Variants in EXOC2 observed in about 807,000 individuals in gnomAD.
The protein encoded by EXOC2 is SEC5-like 1.
Under a neutral mutation model 131.8 loss-of-function variants are expected in EXOC2, and 70 were observed. The ratio of observed to expected loss-of-function variants is 0.53; its 90% CI spans 0.44 to 0.65. The LOEUF is 0.65. Ranked by LOEUF, EXOC2 falls within the 30% of genes least tolerant of loss-of-function variation. EXOC2 has a pLI of 0.00. For missense variants in EXOC2, 923 were observed against 1,108.6 expected, an observed-to-expected ratio of 0.83 and a Z score of 2.38; for synonymous variants, 411 against 398.4, an observed-to-expected ratio of 1.03 and a Z score of -0.38.
chr6:521,601 C>T (rs907994626), intron 23 of EXOC2, among the ~76,000 whole-genome samples: 1 of 151,760 alleles, frequency 6.6e-6, no homozygotes, highest in Non-Finnish European at 1.5e-5. Flanking sequence ...GATCTTGGCT[C>T]ACCACGCCTT....
chr6:523,657 G>A (rs1332973924), intron 23 of EXOC2, among the ~76,000 whole-genome samples: 4 of 152,192 alleles, frequency 2.6e-5, no homozygotes, highest in African/African-American at 9.7e-5. Context: ...ATTTTGGCAG[G>A]TGCCAAAGTA....
chr6:623,060 C>T (rs1327661213), intron 4 of EXOC2, among the ~76,000 whole-genome samples: 1 of 152,186 alleles, frequency 6.6e-6, no homozygotes, highest in Non-Finnish European at 1.5e-5. Flanking sequence ...CTAGCCAGTC[C>T]CTAGCAGTGG....
intron 1 of EXOC2, among the ~76,000 whole-genome samples, chr6:680,818 A>G (rs1422154293): frequency 1.3e-5 from 2 of 152,244 alleles, no homozygotes; most frequent in Non-Finnish European, 2.9e-5. Flanking sequence ...GCTCTCTGCC[A>G]GCAATCTTCA....
intron 4 of EXOC2, among the ~76,000 whole-genome samples, chr6:626,737 G>A (rs923800757): frequency 5.9e-5 from 9 of 151,924 alleles, no homozygotes; most frequent in South Asian, 2.1e-4. Context: ...GATTACATGC[G>A]CCTGCCACCA....
intron 27 of EXOC2, 37 bp downstream of exon 27, chr6:488,942 A>T (rs374032889): frequency 1.6e-5 from 25 of 1,598,412 alleles, no homozygotes; most frequent in Non-Finnish European, 2.1e-5. Context: ...TGTTGAGCAC[A>T]TTCAACTGGC....
chr6:660,416 T>G (rs1561985717), intron 1 of EXOC2, among the ~76,000 whole-genome samples: 1 of 152,112 alleles, frequency 6.6e-6, no homozygotes, highest in Non-Finnish European at 1.5e-5. Context: ...CCACCTCCAC[T>G]GGAACAGGCG....
intron 23 of EXOC2, among the ~76,000 whole-genome samples, chr6:520,798 G>A (rs1179911916): frequency 2.2e-5 from 3 of 138,292 alleles, no homozygotes; most frequent in Admixed American, 7.1e-5. Flanking sequence ...AACACTCACC[G>A]TCCACACTCG....
intron 23 of EXOC2, among the ~76,000 whole-genome samples, chr6:514,223 A>G (rs575682165): frequency 6.6e-5 from 10 of 152,200 alleles, no homozygotes; most frequent in Non-Finnish European, 1.5e-4. Context: ...TTCAATGAAC[A>G]CTCAAAATTT....
intron 1 of EXOC2, chr6:656,006 TA>T: frequency 1.2e-6 from 1 of 813,126 alleles, no homozygotes; most frequent in Non-Finnish European, 2.0e-6. Context: ...ACGCCCTGCA[TA>T]AGTCAGTGAA....
At chr6:650,869 T>TA (rs1762796037) in intron 1 of EXOC2, among the ~76,000 whole-genome samples, 1 of 152,162 alleles carries the variant, frequency 6.6e-6, no homozygotes, top group African/African-American at 2.4e-5. Context: ...ATGAAACTAG[T>TA]AAAAAATATC....
chr6:598,533 G>A (rs1032484420), intron 9 of EXOC2, among the ~76,000 whole-genome samples: 1 of 152,174 alleles, frequency 6.6e-6, no homozygotes, highest in African/African-American at 2.4e-5. Context: ...TCTCTCTGAA[G>A]ACGGGAAGAT....
Position 508,332 on chromosome 6 carries a change from T to G in EXOC2, c.2381-8632A>C, listed in dbSNP as rs553369378. Among the ~76,000 whole-genome samples, 9 of 152,314 alleles carry G rather than the reference T, an allele frequency of 5.9e-5. No individual in the cohort carries two copies. The South Asian group carries it at 1.7e-3, about 28-fold the overall frequency. ...TATTACCCAAATTCCACAGTTTACATTAGGGTCAATTTTGGTGGTGTACAT... is the reference window on the plus strand; with the variant it reads ...TATTACCCAAATTCCACAGTTTACAGTAGGGTCAATTTTGGTGGTGTACAT... On this transcript the variant is annotated intron_variant, in intron 23 of 27. Coordinates refer to ENST00000230449, the MANE Select transcript of EXOC2 (RefSeq NM_018303.6).
In EXOC2 at chr6:582,559, C is replaced by CG. The variant is rs572934566; in HGVS notation, c.1193-5678dup. 5.4e-4 allele frequency among the ~76,000 whole-genome samples: 82 copies of CG among 150,598 alleles called. 1 individual carries two copies. Among genetic ancestry groups the CG allele is most frequent in the African/African-American group, 2.0e-3 (81 of 40,948 alleles). On this transcript the variant is annotated intron_variant, in intron 11 of 27. Transcript: ENST00000230449. ...TGACCAAACACGGGCCGGGAGCCTC[C>CG]GCAGACGCAGGCAGGATGGGATTCC...
At chr6:685,993 A>C (rs1483396140) in intron 1 of EXOC2, among the ~76,000 whole-genome samples, 26 of 131,600 alleles carry the variant, frequency 2.0e-4, no homozygotes, top group African/African-American at 7.2e-4. Context: ...TTTTTTTGAG[A>C]CGGAGTTTTA....
chr6:664,420 C>T (rs933114927), intron 1 of EXOC2, among the ~76,000 whole-genome samples: 4 of 152,090 alleles, frequency 2.6e-5, no homozygotes, highest in African/African-American at 9.7e-5. Flanking sequence ...TCACTCTACA[C>T]AAAATTAGAA....
chr6:556,169 G>T (rs1379143480), intron 18 of EXOC2, among the ~76,000 whole-genome samples, 156 bp from the exon 19 acceptor site: 1 of 152,162 alleles, frequency 6.6e-6, no homozygotes, highest in Non-Finnish European at 1.5e-5. Flanking sequence ...CTACTGGGAG[G>T]TGTTCCTTAC....
chr6:508,436 C>CTTT (rs1764682418), intron 23 of EXOC2, among the ~76,000 whole-genome samples: 1 of 152,194 alleles, frequency 6.6e-6, no homozygotes, highest in South Asian at 2.1e-4. Flanking sequence ...TGCCCTAAAA[C>CTTT]TCCTCTGTGC....
At chr6:654,464 G>C (rs957896841) in intron 1 of EXOC2, among the ~76,000 whole-genome samples, 1 of 152,168 alleles carries the variant, frequency 6.6e-6, no homozygotes, top group Admixed American at 6.5e-5. Context: ...CTTTGGTGGA[G>C]GATGTCACCG....
chr6:495,997 G>C (rs1013105061), intron 25 of EXOC2, among the ~76,000 whole-genome samples: 2 of 151,964 alleles, frequency 1.3e-5, no homozygotes, highest in African/African-American at 2.4e-5. Flanking sequence ...TCATCTAGTA[G>C]ATTTTTAAAA....
Sources: allele counts gnomAD v4.1 joint callset (sites outside exome capture counted in the v4.1 genomes callset), GRCh38; gene constraint gnomAD v4.1.1; transcripts MANE v1.5; gene names NCBI Gene and HGNC (gene_info 2026-07-23, HGNC 2026-07-21).